The following PPM1G variants were observed in gnomAD, a reference collection of about 807,000 sequenced individuals.
The protein encoded by PPM1G is protein phosphatase, Mg2+/Mn2+ dependent 1G, also known as protein phosphatase 1G.
PPM1G carries 12 observed loss-of-function variants against 59.4 expected under a neutral mutation model. That is an observed-to-expected ratio of 0.20 (90% CI 0.13 to 0.33). The LOEUF is 0.33. Among genes scored for constraint, PPM1G ranks in the 10% least tolerant of loss-of-function variants. The pLI is 1.00. For synonymous variants in PPM1G, 245 were observed against 251.9 expected, an observed-to-expected ratio of 0.97 and a Z score of 0.26; for missense variants, 392 against 681.3, an observed-to-expected ratio of 0.58 and a Z score of 4.73.
Position 27,383,679 on chromosome 2 carries a change from T to C in PPM1G, c.967-79A>G. On this transcript the variant is annotated intron_variant, in intron 6 of 9. Transcript: ENST00000344034. This position sits in a 1 kb window ranked among gnomAD's most constrained non-coding sequence, Gnocchi z 5.0. ...TGATGTGCTCCTGATCGTTCACCTA[T>C]GCTTGCTTTCACTGGGACCCCCAAA... is the stretch of plus-strand genomic sequence containing the variant. 7.2e-7 allele frequency: 1 copy of C among 1,398,472 alleles called. No individual in the cohort carries two copies. Among genetic ancestry groups the C allele is most frequent in the Admixed American group, 2.2e-5 (1 of 46,186 alleles). 86.6% of individuals were successfully genotyped at this position (1,398,472 alleles called of 1,614,324 possible).
chr2:27,386,060 G>A (rs181437954), intron 3 of PPM1G, 134 bp downstream of exon 3: 57 of 1,242,854 alleles, frequency 4.6e-5, no homozygotes, highest in East Asian at 4.4e-4. Flanking sequence ...CAATAAGCTC[G>A]TTTTAGGAAC....
chr2:27,400,869 T>A (rs541586295), intron 1 of PPM1G, among the ~76,000 whole-genome samples: 1 of 152,234 alleles, frequency 6.6e-6, no homozygotes, highest in Admixed American at 6.5e-5. Flanking sequence ...GAGAGAATTT[T>A]AAAAAGTGCC....
At chr2:27,392,286 G>GTTTTGTT (rs1553313458) in intron 1 of PPM1G, among the ~76,000 whole-genome samples, 3 of 70,420 alleles carry the variant, frequency 4.3e-5, no homozygotes, top group African/African-American at 1.8e-4. Flanking sequence ...GGTTTGTTTT[G>GTTTTGTT]TTTTTTTTTT....
Position 27,385,524 on chromosome 2 carries a change from G to A in PPM1G, c.409+223C>T. 1.8e-6 allele frequency: 1 copy of A among 542,868 alleles called. No individual in the cohort carries two copies. The allele number at this position is 542,868 out of a possible 1,614,324, so 33.6% of individuals were successfully genotyped here. A position where few individuals can be genotyped will look rare whatever the true frequency, so the allele number is the denominator to read the frequency against. On this transcript the variant is annotated intron_variant, in intron 4 of 9. Transcript: ENST00000344034. This position sits in a 1 kb window ranked among gnomAD's most constrained non-coding sequence, Gnocchi z 4.1. ...GGAAGACCCCATCACAATGACAAAAGATAATGTATATACAATGCTTACAGC... is the reference window on the plus strand; with the variant it reads ...GGAAGACCCCATCACAATGACAAAAAATAATGTATATACAATGCTTACAGC...
intron 1 of PPM1G, chr2:27,393,510 G>C (rs751976045): frequency 4.3e-6 from 3 of 705,820 alleles, no homozygotes; most frequent in Non-Finnish European, 7.7e-6. Context: ...GGTGCAGGAC[G>C]AGCGCCGGGT....
Position 27,385,813 on chromosome 2 carries a change from C to A in PPM1G, c.343G>T (p.Ala115Ser). The A allele has an allele frequency of 6.2e-7, 1 of 1,614,058 alleles. No individual in the cohort carries two copies. The highest frequency in any genetic ancestry group is 8.5e-7 in the Non-Finnish European group (1 of 1,180,008). Residue 115 changes from alanine to serine, a missense_variant, in exon 4 of 10, where the codon GCA (alanine) becomes TCA (serine). By Grantham distance (99) the Ala-to-Ser change is moderately conservative. Transcript: ENST00000344034. This position sits in a 1 kb window ranked among gnomAD's most constrained non-coding sequence, Gnocchi z 4.1. Reference sequence around the variant, plus strand: ...TCAGTGGGTCGCCCTGCAATCTGTGCCAGCTCTTTAATGACTTCTTCAGTG... The same window carrying A: ...TCAGTGGGTCGCCCTGCAATCTGTGACAGCTCTTTAATGACTTCTTCAGTG... The part of the protein sequence containing the change: ...LTTEEVIKEL[A>S]QIAGRPTEDE...
chr2:27,384,254 T>G lies in PPM1G; in HGVS notation c.826-162A>C, dbSNP rs1249635652. On this transcript the variant is annotated intron_variant, in intron 5 of 9. Transcript: ENST00000344034. This position sits in a 1 kb window ranked among gnomAD's most constrained non-coding sequence, Gnocchi z 4.8. The stretch of plus-strand genomic sequence containing the variant: ...ATTGGGGGGATGGAAAGGGCTAGCA[T>G]GAGTACAACTGACATCCTGAACTGG... 1.3e-5 allele frequency among the ~76,000 whole-genome samples: 2 copies of G among 152,176 alleles called. No individual in the cohort carries two copies. Among genetic ancestry groups the G allele is most frequent in the African/African-American group, 4.8e-5 (2 of 41,434 alleles).
In PPM1G at chr2:27,383,891, T is replaced by A; in HGVS notation, c.966+61A>T. The A allele has an allele frequency of 6.5e-7, 1 of 1,545,358 alleles. No homozygotes were observed. Among genetic ancestry groups the A allele is most frequent in the Non-Finnish European group, 8.7e-7 (1 of 1,143,302 alleles). The stretch of plus-strand genomic sequence containing the variant: ...GGGATCCCCTGTCTCAAAATCAAAA[T>A]TAGGGGATTCACACCTGCCTTGTGG... On this transcript the variant is annotated intron_variant, in intron 6 of 9. Transcript: ENST00000344034. This position sits in a 1 kb window ranked among gnomAD's most constrained non-coding sequence, Gnocchi z 5.0.
At chr2:27,387,203 T>C (rs752177535) in intron 1 of PPM1G, 45 bp from the exon 2 acceptor site, 1 of 1,516,580 alleles carries the variant, frequency 6.6e-7, no homozygotes, top group Non-Finnish European at 9.2e-7. Flanking sequence ...GGTCGAAGAA[T>C]ATTCCTCAGG....
At chr2:27,403,562 T>C (rs1438065157) in intron 1 of PPM1G, among the ~76,000 whole-genome samples, 1 of 152,078 alleles carries the variant, frequency 6.6e-6, no homozygotes, top group Non-Finnish European at 1.5e-5. Context: ...AAATAATGCG[T>C]TTTTATAAAA....
In PPM1G at chr2:27,393,485, T is replaced by C. The variant is rs547791504; in HGVS notation, c.121-6327A>G. On this transcript the variant is annotated intron_variant, in intron 1 of 9. Transcript: ENST00000344034. ...TGAAGAGGTGACGGAGGGCTGGCTATGGGCGGCCGGCCGGGGTGCAGGACG... is the reference window on the plus strand; with the variant it reads ...TGAAGAGGTGACGGAGGGCTGGCTACGGGCGGCCGGCCGGGGTGCAGGACG... The C allele has an allele frequency of 6.0e-4, 451 of 746,772 alleles. 1 individual carries two copies. Among genetic ancestry groups the C allele is most frequent in the East Asian group, 5.3e-3 (198 of 37,548 alleles). The allele number at this position is 746,772 out of a possible 1,614,324, so 46.3% of individuals were successfully genotyped here.
In PPM1G at chr2:27,409,426, G is replaced by A; in HGVS notation, c.-4C>T. On this transcript the variant is annotated 5_prime_UTR_variant, in exon 1 of 10. Coordinates refer to ENST00000344034, the MANE Select transcript of PPM1G (RefSeq NM_177983.3). ...GCTGGGAGAGGTAGGCACCCATGGC[G>A]GCGGCTGGCCGGCGGCCTCAGGTGC... The A allele has an allele frequency of 6.6e-7, 1 of 1,508,298 alleles. No individual in the cohort carries two copies. The highest frequency in any genetic ancestry group is 8.9e-7 in the Non-Finnish European group (1 of 1,129,292). The allele number at this position is 1,508,298 out of a possible 1,614,324, so 93.4% of individuals were successfully genotyped here. A position where few individuals can be genotyped will look rare whatever the true frequency, so the allele number is the denominator to read the frequency against.
chr2:27,408,939 G>T (rs1663446115), intron 1 of PPM1G, among the ~76,000 whole-genome samples: 1 of 152,190 alleles, frequency 6.6e-6, no homozygotes, highest in South Asian at 2.1e-4. Flanking sequence ...AAAAACAAAT[G>T]AATAAATAGC....
intron 3 of PPM1G, 41 bp downstream of exon 3, chr2:27,386,153 A>G: frequency 6.5e-7 from 1 of 1,539,066 alleles, no homozygotes; most frequent in Non-Finnish European, 9.0e-7. Context: ...ACAAGGGAAA[A>G]GCCTACACAA....
At chr2:27,403,177 C>T (rs1250684156) in intron 1 of PPM1G, among the ~76,000 whole-genome samples, 1 of 152,188 alleles carries the variant, frequency 6.6e-6, no homozygotes, top group Non-Finnish European at 1.5e-5. Flanking sequence ...GGCACAGTGG[C>T]TCATGCCTGT....
rs149853542 is a variant in PPM1G at position 27,389,237 on chromosome 2, A to AAT, written c.121-2081_121-2080dup. Reference sequence around the variant, plus strand: ...TGTAAACTGGAATTTGCTACATAAAAATATATATATATATACACACACACA... The same window carrying AAT: ...TGTAAACTGGAATTTGCTACATAAAAATATATATATATATATACACACACACA... On this transcript the variant is annotated intron_variant, in intron 1 of 9. Transcript: ENST00000344034. Among the ~76,000 whole-genome samples, 679 of 151,400 alleles carry AAT rather than the reference A, an allele frequency of 4.5e-3. 6 individuals are homozygous for AAT. The highest frequency in any genetic ancestry group is 0.014 in the African/African-American group (575 of 41,328).
At chr2:27,388,461 G>A (rs866720648) in intron 1 of PPM1G, among the ~76,000 whole-genome samples, 1 of 151,918 alleles carries the variant, frequency 6.6e-6, no homozygotes, top group South Asian at 2.1e-4. Flanking sequence ...TAAATTTCCA[G>A]GAATAGATTA....
At chr2:27,406,246 G>C (rs1299360760) in intron 1 of PPM1G, among the ~76,000 whole-genome samples, 2 of 152,070 alleles carry the variant, frequency 1.3e-5, no homozygotes, top group Non-Finnish European at 2.9e-5. Context: ...ATTAATTTTT[G>C]GATTAAGCCC....
At chr2:27,390,255 A>G (rs1346565582) in intron 1 of PPM1G, among the ~76,000 whole-genome samples, 2 of 152,124 alleles carry the variant, frequency 1.3e-5, no homozygotes, top group African/African-American at 4.8e-5. Flanking sequence ...CCTGAGCTCA[A>G]GTGATCTGCC....
Sources: gnomAD v4.1 joint callset for allele counts (sites outside exome capture counted in the v4.1 genomes callset) on GRCh38, gnomAD v4.1.1 for gene constraint, Gnocchi (gnomAD v3.1) non-coding constraint, MANE v1.5 for transcripts, NCBI Gene and HGNC (gene_info 2026-07-23, HGNC 2026-07-21) for gene names.